Variants in ANK2 observed in about 807,000 individuals in gnomAD.
ANK2 encodes the protein ankyrin-2.
In ANK2, 83 loss-of-function variants were observed where a neutral mutation model predicts 360.5. That is an observed-to-expected ratio of 0.23 (90% CI 0.19 to 0.28). The LOEUF (loss-of-function observed/expected upper bound fraction) is 0.28, where lower values mean the gene tolerates loss of function less well. Ranked by LOEUF, ANK2 falls within the 10% of genes least tolerant of loss-of-function variation. The probability of loss-of-function intolerance (pLI) is 1.00; values close to 1 mark genes in which losing one functional copy is unlikely to be tolerated. For synonymous variants in ANK2, 1,740 were observed against 1,759.5 expected, an observed-to-expected ratio of 0.99 and a Z score of 0.28; for missense variants, 4,201 against 4,795.7, an observed-to-expected ratio of 0.88 and a Z score of 3.66.
intron 2 of ANK2, among the ~76,000 whole-genome samples, chr4:112,916,552 C>G (rs1374548504): frequency 6.6e-6 from 1 of 152,130 alleles, no homozygotes; most frequent in Non-Finnish European, 1.5e-5. Context: ...CATTTGTAGT[C>G]TGTATATTTG....
chr4:112,997,581 C>T (rs1345917714), intron 2 of ANK2, among the ~76,000 whole-genome samples: 1 of 152,134 alleles, frequency 6.6e-6, no homozygotes, highest in East Asian at 1.9e-4. Flanking sequence ...CTAAAAAAGA[C>T]TCCATAGAAC....
chr4:113,308,548 G>C (rs2078336249), intron 23 of ANK2, among the ~76,000 whole-genome samples: 2 of 152,302 alleles, frequency 1.3e-5, no homozygotes, highest in South Asian at 4.1e-4. Context: ...TAGAGACAGG[G>C]AAGAAAGACT....
At chr4:112,731,387 C>T in the ANK2 span, among the ~76,000 whole-genome samples, 1 of 148,954 alleles carries the variant, frequency 6.7e-6, no homozygotes, top group East Asian at 2.0e-4. Flanking sequence ...TATATCAAAA[C>T]ATCTTGTTTT....
chr4:113,235,646 G>T (rs907584915), intron 5 of ANK2, among the ~76,000 whole-genome samples: 2 of 151,882 alleles, frequency 1.3e-5, no homozygotes, highest in Non-Finnish European at 2.9e-5. Flanking sequence ...TGTTGGCCAG[G>T]CTCATGTCGA....
chr4:113,310,010 G>A (rs1201987431), intron 23 of ANK2, among the ~76,000 whole-genome samples: 1 of 152,202 alleles, frequency 6.6e-6, no homozygotes, highest in Admixed American at 6.5e-5. Context: ...TCCTTCAGAT[G>A]TAGAGTCATT....
intron 1 of ANK2, among the ~76,000 whole-genome samples, chr4:113,166,140 CACCAT>C (rs1278930236): frequency 6.6e-6 from 1 of 152,068 alleles, no homozygotes. Context: ...ATTTTAAATT[CACCAT>C]AAAGTTCAAT....
chr4:113,363,674 C>T (rs1394503768), intron 40 of ANK2, among the ~76,000 whole-genome samples: 2 of 152,194 alleles, frequency 1.3e-5, no homozygotes, highest in South Asian at 4.1e-4. Flanking sequence ...AGGCCACTGT[C>T]TGTGTATAGT....
At chr4:113,001,483 G>A (rs1340714540) in intron 2 of ANK2, among the ~76,000 whole-genome samples, 1 of 152,158 alleles carries the variant, frequency 6.6e-6, no homozygotes, top group East Asian at 1.9e-4. Context: ...GAGTGTGTCA[G>A]ATTAGTAAGT....
At chr4:113,243,521 C>T (rs533859201) in intron 9 of ANK2, among the ~76,000 whole-genome samples, 105 of 152,252 alleles carry the variant, frequency 6.9e-4, no homozygotes, top group Middle Eastern at 6.8e-3. Context: ...CATCACAACA[C>T]GTGGGAGTTC....
chr4:113,367,489 CTT>C, intron 41 of ANK2, 75 bp from the exon 42 acceptor site: 1 of 1,355,114 alleles, frequency 7.4e-7, no homozygotes, highest in Non-Finnish European at 1.0e-6. Flanking sequence ...TTTTTATCCT[CTT>C]ATATTTATTA....
chr4:112,758,077 ATT>A, the ANK2 span, among the ~76,000 whole-genome samples: 150 of 149,416 alleles, frequency 1.0e-3, no homozygotes, highest in African/African-American at 2.8e-3. Context: ...CTAATTTTGT[ATT>A]TTTTTTTTTT....
At chr4:113,057,026 G>A (rs2070338214) in intron 1 of ANK2, among the ~76,000 whole-genome samples, 1 of 152,136 alleles carries the variant, frequency 6.6e-6, no homozygotes, top group Non-Finnish European at 1.5e-5. Context: ...CGAACACATG[G>A]GAAAGTTCCC....
chr4:112,796,655 C>CTT, the ANK2 span, among the ~76,000 whole-genome samples: 6 of 135,670 alleles, frequency 4.4e-5, no homozygotes, highest in South Asian at 2.3e-4. Flanking sequence ...TGGCCACCTT[C>CTT]TTTTTTTTTT....
At chr4:113,273,895 T>C (rs1363194846) in intron 14 of ANK2, among the ~76,000 whole-genome samples, 5 of 152,234 alleles carry the variant, frequency 3.3e-5, no homozygotes, top group Non-Finnish European at 7.3e-5. Flanking sequence ...CAGAACTATC[T>C]ACAGCATTTT....
Position 112,946,882 on chromosome 4 carries a change from A to G in ANK2, c.21+42368A>G, listed in dbSNP as rs151099849. Among the ~76,000 whole-genome samples, 216 of 152,322 alleles carry G rather than the reference A, an allele frequency of 1.4e-3. 1 individual carries two copies. Among genetic ancestry groups the G allele is most frequent in the African/African-American group, 4.1e-3 (170 of 41,566 alleles). ...TCTTCAAACATGTGCTTTCTTTTAA[A>G]ATGCACTTCCTTAGGTGATTGTGCT... On this transcript the variant is annotated intron_variant, in intron 2 of 30. Transcript: ENST00000503271.
intron 1 of ANK2, among the ~76,000 whole-genome samples, chr4:112,873,892 G>A (rs997823671): frequency 6.6e-6 from 1 of 151,872 alleles, no homozygotes; most frequent in South Asian, 2.1e-4. Context: ...AATATACTGT[G>A]TATGATTTCA....
chr4:112,861,483 T>C (rs1389331565), intron 1 of ANK2, among the ~76,000 whole-genome samples: 1 of 152,204 alleles, frequency 6.6e-6, no homozygotes, highest in Non-Finnish European at 1.5e-5. Flanking sequence ...GGCGTGCTAG[T>C]ATAAGTATGC....
chr4:113,134,237 A>G (rs1288383919), intron 1 of ANK2, among the ~76,000 whole-genome samples: 1 of 146,960 alleles, frequency 6.8e-6, no homozygotes, highest in Admixed American at 6.8e-5. Flanking sequence ...GAGTTAGTTT[A>G]TTAAACTGCA....
Position 113,191,242 on chromosome 4 carries a change from C to T in ANK2, c.187-5126C>T, listed in dbSNP as rs192871235. On this transcript the variant is annotated intron_variant, in intron 2 of 45. Transcript: ENST00000357077. The stretch of plus-strand genomic sequence containing the variant: ...CCTGTAATACCAACTACTCGGGAGA[C>T]GGAGGCAGGAGAATCGCTTGAACCT... Among the ~76,000 whole-genome samples the T allele has an allele frequency of 9.2e-4, 140 of 152,182 alleles. No homozygotes were observed. The Middle Eastern group carries it at 0.01, about 11-fold the overall frequency.
Sources: gnomAD v4.1 joint callset for allele counts (sites outside exome capture counted in the v4.1 genomes callset) on GRCh38, gnomAD v4.1.1 for gene constraint, MANE v1.5 for transcripts, NCBI Gene and HGNC (gene_info 2026-07-23, HGNC 2026-07-21) for gene names.